The following LRBA variants were observed in gnomAD, a reference collection of about 807,000 sequenced individuals.
LRBA encodes the protein LPS responsive beige-like anchor protein.
LRBA carries 176 observed loss-of-function variants against 330.0 expected under a neutral mutation model. That is an observed-to-expected ratio of 0.53 (90% CI 0.47 to 0.60). The LOEUF is 0.60. Ranked by LOEUF, LRBA falls within the 20% of genes least tolerant of loss-of-function variation. LRBA has a pLI of 0.00. For synonymous variants in LRBA, 1,230 were observed against 1,193.0 expected, an observed-to-expected ratio of 1.03 and a Z score of -0.64; for missense variants, 3,259 against 3,444.8, an observed-to-expected ratio of 0.95 and a Z score of 1.35.
intron 47 of LRBA, among the ~76,000 whole-genome samples, chr4:150,408,424 G>A (rs2151941380): frequency 6.6e-6 from 1 of 152,224 alleles, no homozygotes; most frequent in Non-Finnish European, 1.5e-5. Context: ...AAAAGGCCAT[G>A]CCTAAATAGC....
intron 40 of LRBA, among the ~76,000 whole-genome samples, chr4:150,529,045 A>T (rs1157731761): frequency 6.6e-6 from 1 of 152,218 alleles, no homozygotes; most frequent in Non-Finnish European, 1.5e-5. Context: ...TTTTCTCTAC[A>T]TGAGATCATA....
At chr4:150,493,989 TG>T (rs1175283607) in intron 40 of LRBA, among the ~76,000 whole-genome samples, 3 of 151,994 alleles carry the variant, frequency 2.0e-5, no homozygotes, top group Admixed American at 6.6e-5. Flanking sequence ...GAAGCTGAGA[TG>T]GGAACATCAC....
At chr4:150,772,027 T>G (rs987186403) in intron 34 of LRBA, among the ~76,000 whole-genome samples, 1 of 152,212 alleles carries the variant, frequency 6.6e-6, no homozygotes, top group Non-Finnish European at 1.5e-5. Flanking sequence ...AAACTTTTTT[T>G]GTCAACAATT....
chr4:150,869,112 C>T (rs1230282326), intron 20 of LRBA, among the ~76,000 whole-genome samples: 7 of 151,808 alleles, frequency 4.6e-5, no homozygotes, highest in Admixed American at 6.6e-5. Context: ...GTAGAGACAG[C>T]GTTTCTCCGT....
At chr4:150,662,224 A>G (rs1003556680) in intron 37 of LRBA, among the ~76,000 whole-genome samples, 3 of 152,248 alleles carry the variant, frequency 2.0e-5, no homozygotes, top group African/African-American at 4.8e-5. Flanking sequence ...GATTATTATA[A>G]TATGAAAGAT....
chr4:150,714,652 A>T (rs565206522), intron 36 of LRBA, among the ~76,000 whole-genome samples: 1 of 152,310 alleles, frequency 6.6e-6, no homozygotes, highest in Admixed American at 6.5e-5. Context: ...CAGTGTTCTC[A>T]ACACAGAAAA....
chr4:150,923,132 C>A (rs1301130491), intron 4 of LRBA, among the ~76,000 whole-genome samples: 1 of 151,018 alleles, frequency 6.6e-6, no homozygotes, highest in Non-Finnish European at 1.5e-5. Context: ...GTAGCCCCAT[C>A]CTAAGTGAAG....
intron 40 of LRBA, among the ~76,000 whole-genome samples, chr4:150,533,602 T>C (rs1357775375): frequency 1.3e-5 from 2 of 152,196 alleles, no homozygotes; most frequent in African/African-American, 2.4e-5. Context: ...ATATTTACCC[T>C]TCATTATCTG....
intron 37 of LRBA, among the ~76,000 whole-genome samples, chr4:150,671,084 T>C (rs566750076): frequency 6.6e-6 from 1 of 150,586 alleles, no homozygotes; most frequent in African/African-American, 2.5e-5. Context: ...GATTAGGTTC[T>C]AAGAGTCCAA....
intron 53 of LRBA, among the ~76,000 whole-genome samples, chr4:150,300,180 TG>T: frequency 6.6e-6 from 1 of 152,222 alleles, no homozygotes; most frequent in Middle Eastern, 3.4e-3. Context: ...AGTGCCTATT[TG>T]TCTTTCTCCT....
intron 37 of LRBA, among the ~76,000 whole-genome samples, chr4:150,636,479 T>C (rs1777924349): frequency 6.6e-6 from 1 of 152,146 alleles, no homozygotes; most frequent in Non-Finnish European, 1.5e-5. Context: ...CACAAAAAGG[T>C]GCTATGAGCT....
intron 38 of LRBA, among the ~76,000 whole-genome samples, chr4:150,596,489 T>C (rs1773499956): frequency 1.3e-5 from 2 of 151,976 alleles, no homozygotes; most frequent in African/African-American, 4.8e-5. Flanking sequence ...CTTAGTTAAA[T>C]AAATTATAAA....
chr4:150,974,726 A>G (rs1739959319), intron 2 of LRBA, among the ~76,000 whole-genome samples: 1 of 152,218 alleles, frequency 6.6e-6, no homozygotes, highest in Non-Finnish European at 1.5e-5. Flanking sequence ...TAGGAAAGTC[A>G]TGGAGAGAAG....
At chr4:150,716,864 T>C (rs1301150011) in intron 36 of LRBA, among the ~76,000 whole-genome samples, 1 of 152,232 alleles carries the variant, frequency 6.6e-6, no homozygotes, top group Admixed American at 6.5e-5. Context: ...GGGGACAGAC[T>C]GTACTGGGTT....
At chr4:150,595,727 T>C (rs2126490392) in intron 38 of LRBA, among the ~76,000 whole-genome samples, 1 of 152,088 alleles carries the variant, frequency 6.6e-6, no homozygotes, top group East Asian at 1.9e-4. Flanking sequence ...TCAGTTAACC[T>C]GGGCTTTAGT....
At chr4:150,899,922 T>C (rs1730534883) in intron 14 of LRBA, 127 bp downstream of exon 14, 1 of 587,602 alleles carries the variant, frequency 1.7e-6, no homozygotes. Context: ...GAGATTAAAA[T>C]AAAATTTTGC....
intron 38 of LRBA, among the ~76,000 whole-genome samples, chr4:150,595,295 G>A (rs1234263476): frequency 2.0e-5 from 3 of 151,746 alleles, no homozygotes; most frequent in African/African-American, 7.3e-5. Flanking sequence ...TAATAATCAT[G>A]GGCTAACCAA....
In LRBA at chr4:150,512,427, G is replaced by A. The variant is rs539169667; in HGVS notation, c.6331-21392C>T. Among the ~76,000 whole-genome samples, 7 of 152,264 alleles carry A rather than the reference G, an allele frequency of 4.6e-5. No individual in the cohort carries two copies. The South Asian group carries it at 1.5e-3, about 32-fold the overall frequency. Reference sequence around the variant, plus strand: ...TGAAATCCTAACTTCCAACGTGATGGCAACAGGAGGTGATTTGGACTTTGG... The same window carrying A: ...TGAAATCCTAACTTCCAACGTGATGACAACAGGAGGTGATTTGGACTTTGG... On this transcript the variant is annotated intron_variant, in intron 40 of 56. Coordinates refer to ENST00000651943, the MANE Select transcript of LRBA (RefSeq NM_001364905.1).
At chr4:150,536,480 G>T (rs894211113) in intron 40 of LRBA, among the ~76,000 whole-genome samples, 3 of 152,118 alleles carry the variant, frequency 2.0e-5, no homozygotes, top group African/African-American at 7.2e-5. Context: ...CGATTTTGGG[G>T]CACAAAGGTG....
Sources: allele counts gnomAD v4.1 joint callset (sites outside exome capture counted in the v4.1 genomes callset), GRCh38; gene constraint gnomAD v4.1.1; transcripts MANE v1.5; gene names NCBI Gene and HGNC (gene_info 2026-07-23, HGNC 2026-07-21).